The following FBN2 variants were observed in gnomAD, a reference collection of about 807,000 sequenced individuals.
FBN2 encodes fibrillin-2.
FBN2 carries 105 observed loss-of-function variants against 355.6 expected under a neutral mutation model. That is an observed-to-expected ratio of 0.30 (90% CI 0.25 to 0.35). The LOEUF is 0.35. Among genes scored for constraint, FBN2 ranks in the 10% least tolerant of loss-of-function variants. FBN2 has a pLI of 1.00. For synonymous variants in FBN2, 1,350 were observed against 1,301.2 expected (o/e 1.04, Z -0.81); for missense variants, 3,280 against 3,758.7 (o/e 0.87, Z 3.33).
chr5:128,396,445 C>G (rs1752652757), intron 8 of FBN2, among the ~76,000 whole-genome samples: 1 of 151,964 alleles, frequency 6.6e-6, no homozygotes, highest in Middle Eastern at 3.2e-3. Context: ...TATTGAGAGG[C>G]AAAATAAGGT....
chr5:128,445,554 A>T (rs1754041979), intron 7 of FBN2, among the ~76,000 whole-genome samples: 1 of 152,210 alleles, frequency 6.6e-6, no homozygotes, highest in South Asian at 2.1e-4. Context: ...CAACCAATCA[A>T]CAAAAAATAA....
At chr5:128,310,554 A>T (rs1375255052) in intron 39 of FBN2, among the ~76,000 whole-genome samples, 3 of 151,398 alleles carry the variant, frequency 2.0e-5, no homozygotes, top group Non-Finnish European at 4.4e-5. Flanking sequence ...GCTTCTTTCA[A>T]ATTAGTAACT....
intron 6 of FBN2, among the ~76,000 whole-genome samples, chr5:128,464,265 A>AT: frequency 6.6e-6 from 1 of 152,292 alleles, no homozygotes; most frequent in South Asian, 2.1e-4. Context: ...CAGAGTTCAC[A>AT]TTTTGTCTTT....
At chr5:128,379,485 T>G (rs1752173055) in intron 11 of FBN2, among the ~76,000 whole-genome samples, 2 of 152,118 alleles carry the variant, frequency 1.3e-5, no homozygotes. Flanking sequence ...CAAAGCCTAT[T>G]TTTTTCAGCA....
At chr5:128,312,980 A>T (rs1018971963) in intron 36 of FBN2, among the ~76,000 whole-genome samples, 185 bp from the exon 37 acceptor site, 2 of 152,214 alleles carry the variant, frequency 1.3e-5, no homozygotes, top group Non-Finnish European at 2.9e-5. Flanking sequence ...AGAGGAAGCC[A>T]ATCATGGCAG....
At chr5:128,411,699 C>T (rs914202686) in intron 7 of FBN2, among the ~76,000 whole-genome samples, 2 of 152,142 alleles carry the variant, frequency 1.3e-5, no homozygotes, top group South Asian at 2.1e-4. Context: ...AGGCAACATT[C>T]GGGCAGGAAA....
At chr5:128,406,292 C>T (rs1752925649) in intron 8 of FBN2, among the ~76,000 whole-genome samples, 1 of 152,214 alleles carries the variant, frequency 6.6e-6, no homozygotes, top group South Asian at 2.1e-4. Context: ...ATCTTAACTA[C>T]ACTTATCACA....
At chr5:128,310,146 A>AT (rs1288767403) in intron 39 of FBN2, 38 bp from the exon 40 acceptor site, 1 of 1,523,988 alleles carries the variant, frequency 6.6e-7, no homozygotes, top group Non-Finnish European at 9.0e-7. Flanking sequence ...TAATAAATCT[A>AT]TTTTTTCAAT....
rs750697815 is a variant in FBN2, at chr5:128,392,039, C to G, written c.1582G>C (p.Asp528His). 22 of 1,613,730 alleles carry G rather than the reference C, an allele frequency of 1.4e-5. No individual in the cohort carries two copies. The South Asian group carries it at 2.0e-4, about 14-fold the overall frequency. The change falls in exon 11 of 65, where the codon GAT (aspartate) becomes CAT (histidine). Residue 528 changes from aspartate (D) to histidine (H), a missense_variant. By Grantham distance (81) the Asp-to-His change is moderately conservative. This residue lies in a region of FBN2 where 2,284 missense variants were observed against 2,749.5 expected (regional missense o/e 0.83). Transcript: ENST00000262464. ...RCECNMGYKQ[D>H]ANGDCIDVDE... ...TTACCTATACAATCTCCATTTGCATCCTGCTTATAACCCATGTTGCATTCA... is the reference window on the plus strand; with the variant it reads ...TTACCTATACAATCTCCATTTGCATGCTGCTTATAACCCATGTTGCATTCA...
rs1010422106 is a variant in FBN2, at chr5:128,305,056, T to C, written c.5701A>G (p.Asn1901Asp). 1.3e-5 allele frequency: 21 copies of C among 1,612,784 alleles called. No individual in the cohort carries two copies. Among genetic ancestry groups the C allele is most frequent in the African/African-American group, 2.7e-5 (2 of 74,808 alleles). ...ACACACAAGCCATGACTGCAAACGT[T>C]AGGAATTTCTAAACATTCATTGCGA... is the stretch of plus-strand genomic sequence containing the variant. ...VDRNECLEIP[N>D]VCSHGLCVDL... The change falls in exon 45 of 65, where the codon AAC becomes GAC. Residue 1901 changes from asparagine (N) to aspartate (D), a missense_variant. By Grantham distance (23) the Asn-to-Asp change is conservative. Around this residue, in one of 6 missense-constraint regions of FBN2, gnomAD observed 2,284 missense variants for 2,749.5 expected, o/e 0.83. Transcript: ENST00000262464.
chr5:128,447,952 T>C (rs1363302778), intron 6 of FBN2, among the ~76,000 whole-genome samples: 1 of 152,232 alleles, frequency 6.6e-6, no homozygotes, highest in Non-Finnish European at 1.5e-5. Flanking sequence ...GGACAATCTG[T>C]TGCTTCAGTT....
intron 5 of FBN2, among the ~76,000 whole-genome samples, chr5:128,481,586 G>A (rs1755189925): frequency 6.6e-6 from 1 of 152,124 alleles, no homozygotes; most frequent in Non-Finnish European, 1.5e-5. Context: ...TAACATTCCA[G>A]ATACAGAAAA....
chr5:128,303,162 T>C (rs1294282391), intron 45 of FBN2, 73 bp from the exon 46 acceptor site: 2 of 861,334 alleles, frequency 2.3e-6, no homozygotes, highest in Non-Finnish European at 4.0e-6. Flanking sequence ...GTTTTATATG[T>C]TTAACTTATG....
intron 5 of FBN2, among the ~76,000 whole-genome samples, chr5:128,495,760 C>T (rs770211307): frequency 1.3e-5 from 2 of 152,016 alleles, no homozygotes. Flanking sequence ...ACTGACCCCA[C>T]CTCTATAAAA....
intron 8 of FBN2, among the ~76,000 whole-genome samples, chr5:128,400,917 C>T (rs775689052): frequency 1.4e-4 from 21 of 152,170 alleles, no homozygotes; most frequent in African/African-American, 3.6e-4. Flanking sequence ...TAATGGGGGC[C>T]GGTCTTTCCC....
At chr5:128,480,320 CA>C (rs1422709244) in intron 5 of FBN2, among the ~76,000 whole-genome samples, 2 of 151,506 alleles carry the variant, frequency 1.3e-5, no homozygotes, top group Non-Finnish European at 2.9e-5. Context: ...TAGACATATG[CA>C]CTTAGCATAC....
chr5:128,423,424 G>A (rs960401056), intron 7 of FBN2, among the ~76,000 whole-genome samples: 1 of 152,060 alleles, frequency 6.6e-6, no homozygotes, highest in African/African-American at 2.4e-5. Flanking sequence ...CATGTGTAAG[G>A]GAACTCCCCT....
chr5:128,470,053 G>A (rs1754814954), intron 5 of FBN2, among the ~76,000 whole-genome samples: 1 of 152,166 alleles, frequency 6.6e-6, no homozygotes, highest in Non-Finnish European at 1.5e-5. Flanking sequence ...AAAGAGAAAC[G>A]AGTCTAGGAT....
chr5:128,385,288 A>G (rs1752338361), intron 11 of FBN2, among the ~76,000 whole-genome samples: 1 of 152,128 alleles, frequency 6.6e-6, no homozygotes, highest in Non-Finnish European at 1.5e-5. Flanking sequence ...GCTACCACTT[A>G]CAAATGAGAA....
Sources: gnomAD v4.1 joint callset for allele counts (sites outside exome capture counted in the v4.1 genomes callset) on GRCh38, gnomAD v4.1.1 for gene constraint, gnomAD v4.1.1 regional missense constraint, MANE v1.5 for transcripts, NCBI Gene and HGNC (gene_info 2026-07-23, HGNC 2026-07-21) for gene names.